ATP2B2: variants seen among roughly 807,000 people sequenced by gnomAD.
ATP2B2 encodes the protein ATPase plasma membrane Ca2+ transporting 2, also known as plasma membrane calcium-transporting ATPase 2.
A neutral mutation model predicts 120.0 loss-of-function variants in ATP2B2; 15 were observed. The observed-to-expected ratio is 0.12, with a 90% confidence interval of 0.08 to 0.19. The LOEUF is 0.19. Among genes scored for constraint, ATP2B2 ranks in the 10% least tolerant of loss-of-function variants. The pLI, the probability that ATP2B2 is intolerant of heterozygous loss-of-function variation, is 1.00. For synonymous variants in ATP2B2, 694 were observed against 700.3 expected (o/e 0.99, Z 0.14); for missense variants, 1,045 against 1,719.8 (o/e 0.61, Z 6.94).
chr3:10,689,879 A>T lies in ATP2B2; in HGVS notation c.-460+18036T>A, dbSNP rs181262164. Among the ~76,000 whole-genome samples, 60 of 152,312 alleles carry T rather than the reference A, an allele frequency of 3.9e-4. No individual in the cohort carries two copies. The East Asian group carries it at 8.9e-3, about 23-fold the overall frequency. On this transcript the variant is annotated intron_variant, in intron 1 of 21. Coordinates refer to the ATP2B2 transcript ENST00000646379. ...GGTGGGCTTGGGCAGGCAGGTCCAC[A>T]AAGTAGGTCCTCAGTGAGGGTAGGG... is the stretch of plus-strand genomic sequence containing the variant.
intron 1 of ATP2B2, among the ~76,000 whole-genome samples, chr3:10,677,454 A>C (rs1305309080): frequency 6.6e-6 from 1 of 152,050 alleles, no homozygotes; most frequent in Non-Finnish European, 1.5e-5. Flanking sequence ...CAGTGAACCT[A>C]CTCTGTATGA....
intron 14 of ATP2B2, among the ~76,000 whole-genome samples, chr3:10,356,643 G>C (rs1037858895): frequency 1.3e-5 from 2 of 152,234 alleles, no homozygotes; most frequent in East Asian, 1.9e-4. Context: ...GCCCGGGAAG[G>C]GGGAGGCTGT....
chr3:10,589,215 G>C (rs944947644), intron 2 of ATP2B2, among the ~76,000 whole-genome samples: 4 of 152,162 alleles, frequency 2.6e-5, no homozygotes, highest in Non-Finnish European at 1.5e-5. Flanking sequence ...CCCCACTCTA[G>C]GGGATAAATG....
Position 10,600,150 on chromosome 3 carries a change from A to G in ATP2B2, c.-415+19767T>C, listed in dbSNP as rs1056885709. On this transcript the variant is annotated intron_variant, in intron 2 of 21. Transcript: ENST00000646379. ...GGGCCACACCCCTGCACTGCCCTCTACTAGCTCTGCCCTGAGCCCCTGCTG... is the reference window on the plus strand; with the variant it reads ...GGGCCACACCCCTGCACTGCCCTCTGCTAGCTCTGCCCTGAGCCCCTGCTG... 3.3e-5 allele frequency among the ~76,000 whole-genome samples: 5 copies of G among 152,346 alleles called. No individual in the cohort carries two copies. In the South Asian group the frequency reaches 1.0e-3, roughly 32 times the overall value.
At chr3:10,703,893 C>G (rs2071856961) in intron 1 of ATP2B2, among the ~76,000 whole-genome samples, 1 of 152,206 alleles carries the variant, frequency 6.6e-6, no homozygotes, top group African/African-American at 2.4e-5. Flanking sequence ...CCACACTGCC[C>G]TGCCCTAGTC....
chr3:10,500,089 C>T (rs1248902101), intron 1 of ATP2B2, among the ~76,000 whole-genome samples: 1 of 152,080 alleles, frequency 6.6e-6, no homozygotes, highest in East Asian at 1.9e-4. Flanking sequence ...CATGCACCAC[C>T]AGGCCCGGCT....
intron 1 of ATP2B2, among the ~76,000 whole-genome samples, chr3:10,620,146 A>C (rs2069505839): frequency 6.6e-6 from 1 of 152,188 alleles, no homozygotes; most frequent in African/African-American, 2.4e-5. Flanking sequence ...GGAGGGCTGC[A>C]TCTCTGGGCC....
At chr3:10,469,724 T>G (rs1268223742) in intron 1 of ATP2B2, among the ~76,000 whole-genome samples, 4 of 152,142 alleles carry the variant, frequency 2.6e-5, no homozygotes, top group Non-Finnish European at 5.9e-5. Context: ...AGCAGCCCCT[T>G]TCACCCTGAG....
intron 2 of ATP2B2, among the ~76,000 whole-genome samples, chr3:10,576,567 A>G (rs756498453): frequency 6.6e-5 from 10 of 151,882 alleles, no homozygotes; most frequent in Admixed American, 1.3e-4. Context: ...GTTTGTAGAG[A>G]TGGGGTCTCA....
intron 2 of ATP2B2, among the ~76,000 whole-genome samples, chr3:10,428,298 A>G (rs2063205466): frequency 6.6e-6 from 1 of 152,252 alleles, no homozygotes; most frequent in South Asian, 2.1e-4. Flanking sequence ...AGGGTGAGCC[A>G]CAACTATGGT....
At chr3:10,516,846 G>C (rs2125447272) in intron 3 of ATP2B2, among the ~76,000 whole-genome samples, 1 of 152,326 alleles carries the variant, frequency 6.6e-6, no homozygotes, top group South Asian at 2.1e-4. Context: ...CCACCCTGTG[G>C]AATTGTACGG....
intron 2 of ATP2B2, among the ~76,000 whole-genome samples, chr3:10,585,514 A>AAAAAAAAC (rs2068489990): frequency 6.7e-6 from 1 of 149,978 alleles, no homozygotes; most frequent in Non-Finnish European, 1.5e-5. Context: ...AAAAAAAAAA[A>AAAAAAAAC]AAAGATCCAG....
intron 1 of ATP2B2, among the ~76,000 whole-genome samples, chr3:10,695,472 C>T (rs1330582278): frequency 6.6e-6 from 1 of 152,110 alleles, no homozygotes; most frequent in Non-Finnish European, 1.5e-5. Context: ...TATAAACTGC[C>T]AATTCTGAGC....
Position 10,375,610 on chromosome 3 carries a change from C to G in ATP2B2, c.1236G>C (p.Leu412=), listed in dbSNP as rs750811708. 5.6e-6 allele frequency: 9 copies of G among 1,613,776 alleles called. No homozygotes were observed. The highest frequency in any genetic ancestry group is 6.8e-6 in the Non-Finnish European group (8 of 1,180,042). ...LVMSAITVII[L]VLYFTVDTFV... ...AGGTGTCCACAGTGAAGTAGAGCAC[C>G]AGGATGATCACCGTGATGGCTGACA... Residue 412 remains leucine (L), a synonymous_variant, in exon 11 of 23, where the codon CTG becomes CTC. Transcript: ENST00000360273. This position sits in a 1 kb window ranked among gnomAD's most constrained non-coding sequence, Gnocchi z 4.2.
chr3:10,695,466 A>C (rs1354524386), intron 1 of ATP2B2, among the ~76,000 whole-genome samples: 1 of 152,150 alleles, frequency 6.6e-6, no homozygotes, highest in African/African-American at 2.4e-5. Flanking sequence ...AAACCATATA[A>C]ACTGCCAATT....
At position 10,342,979 on chromosome 3, in the gene ATP2B2, G is replaced by C. The variant is rs1166873325; in HGVS notation, c.2704-14C>G. ...CAGAGGGGAGTCCTGGGGACGGGCA[G>C]GAGAGGGCTGTCACCTGTGCGCCCA... On this transcript the variant is annotated splice_polypyrimidine_tract_variant and intron_variant, in intron 18 of 22. Transcript: ENST00000360273. This position sits in a 1 kb window ranked among gnomAD's most constrained non-coding sequence, Gnocchi z 4.4. The C allele has an allele frequency of 1.2e-6, 2 of 1,613,178 alleles. No individual in the cohort carries two copies. The highest frequency in any genetic ancestry group is 3.3e-5 in the Admixed American group (2 of 60,024).
At chr3:10,416,854 C>T (rs935520488) in intron 2 of ATP2B2, among the ~76,000 whole-genome samples, 2 of 152,062 alleles carry the variant, frequency 1.3e-5, no homozygotes, top group Admixed American at 6.5e-5. Context: ...TGTGATTTCA[C>T]ACTTGGAGAG....
chr3:10,673,475 A>G (rs2071164813), intron 1 of ATP2B2, among the ~76,000 whole-genome samples: 1 of 151,832 alleles, frequency 6.6e-6, no homozygotes. Flanking sequence ...AAAAAAACAG[A>G]GAGACAGGAA....
At chr3:10,348,568 T>C (rs985718242) in intron 16 of ATP2B2, among the ~76,000 whole-genome samples, 3 of 152,200 alleles carry the variant, frequency 2.0e-5, no homozygotes, top group Non-Finnish European at 4.4e-5. Flanking sequence ...GCCCAGATCC[T>C]TGAAGGCATC....
Sources: allele counts gnomAD v4.1 joint callset (sites outside exome capture counted in the v4.1 genomes callset), GRCh38; gene constraint gnomAD v4.1.1; non-coding constraint Gnocchi (gnomAD v3.1); transcripts MANE v1.5; gene names NCBI Gene and HGNC (gene_info 2026-07-23, HGNC 2026-07-21).